Variants in DPP6 observed in about 807,000 individuals in gnomAD.
The protein encoded by DPP6 is A-type potassium channel modulatory protein DPP6.
A neutral mutation model predicts 122.6 loss-of-function variants in DPP6; 69 were observed. The ratio of observed to expected loss-of-function variants is 0.56; its 90% CI spans 0.46 to 0.69. DPP6 has a LOEUF of 0.69. DPP6 is among the 30% of genes least tolerant of loss of function. DPP6 has a pLI of 0.00. For synonymous variants in DPP6, 418 were observed against 433.1 expected (o/e 0.97, Z 0.43); for missense variants, 928 against 1,116.9 (o/e 0.83, Z 2.41).
intron 1 of DPP6, among the ~76,000 whole-genome samples, chr7:154,198,609 C>T (rs777594980): frequency 5.9e-5 from 9 of 152,124 alleles, no homozygotes; most frequent in Admixed American, 3.3e-4. Flanking sequence ...CCACTGCACC[C>T]GGCCTCACTT....
At chr7:153,891,235 G>T (rs1799187747) in intron 1 of DPP6, among the ~76,000 whole-genome samples, 1 of 148,310 alleles carries the variant, frequency 6.7e-6, no homozygotes, top group Non-Finnish European at 1.5e-5. Context: ...TGTTAGCCAG[G>T]ATGGTCTCGA....
chr7:153,845,467 A>G, the DPP6 span, among the ~76,000 whole-genome samples: 10 of 152,046 alleles, frequency 6.6e-5, no homozygotes, highest in African/African-American at 2.4e-4. Flanking sequence ...TTTTTATTCC[A>G]TATCTTCAAT....
At chr7:153,822,531 C>T in the DPP6 span, among the ~76,000 whole-genome samples, 1 of 152,152 alleles carries the variant, frequency 6.6e-6, no homozygotes, top group South Asian at 2.1e-4. Context: ...GAATATAGAG[C>T]TTCTTCCCCA....
At chr7:154,466,213 G>T (rs1821767336) in intron 2 of DPP6, among the ~76,000 whole-genome samples, 1 of 152,116 alleles carries the variant, frequency 6.6e-6, no homozygotes, top group Admixed American at 6.5e-5. Context: ...CGAGGGGTGG[G>T]GGGCAAGGGA....
At chr7:154,239,523 C>A (rs11770970) in intron 1 of DPP6, among the ~76,000 whole-genome samples, 9 of 152,134 alleles carry the variant, frequency 5.9e-5, no homozygotes, top group African/African-American at 2.2e-4. Context: ...AATAACATTT[C>A]TTTCCTCTAG....
intron 1 of DPP6, among the ~76,000 whole-genome samples, chr7:154,249,232 A>G (rs1326186448): frequency 6.6e-6 from 1 of 152,240 alleles, no homozygotes; most frequent in Non-Finnish European, 1.5e-5. Context: ...CTCTCTTTCA[A>G]CATATTAGCA....
At chr7:154,188,092 C>G (rs573405145) in intron 1 of DPP6, among the ~76,000 whole-genome samples, 104 of 152,116 alleles carry the variant, frequency 6.8e-4, no homozygotes, top group African/African-American at 2.4e-3. Flanking sequence ...CGGTGGTTCT[C>G]TTGACTCTTC....
At chr7:154,218,792 A>G (rs887559392) in intron 1 of DPP6, among the ~76,000 whole-genome samples, 4 of 152,204 alleles carry the variant, frequency 2.6e-5, no homozygotes, top group Non-Finnish European at 4.4e-5. Context: ...ATTGTAAATC[A>G]CTTTTCTATT....
intron 2 of DPP6, among the ~76,000 whole-genome samples, chr7:154,456,156 G>T (rs765142032): frequency 1.3e-5 from 2 of 152,148 alleles, no homozygotes; most frequent in Admixed American, 1.3e-4. Context: ...GAACTAAGCA[G>T]GTCGGGGAAC....
At chr7:154,305,327 G>A (rs1307617585) in intron 1 of DPP6, 1 of 1,269,940 alleles carries the variant, frequency 7.9e-7, no homozygotes, top group Non-Finnish European at 1.0e-6. Flanking sequence ...GAGCAAACTC[G>A]TCTTGTCTAC....
At chr7:154,113,890 C>T (rs1005226546) in intron 1 of DPP6, among the ~76,000 whole-genome samples, 8 of 152,156 alleles carry the variant, frequency 5.3e-5, no homozygotes, top group South Asian at 4.1e-4. Context: ...AAAAGTTAAA[C>T]GCTTTTCCTT....
intron 1 of DPP6, among the ~76,000 whole-genome samples, chr7:154,309,939 T>C (rs1408263014): frequency 6.6e-6 from 1 of 151,996 alleles, no homozygotes; most frequent in Non-Finnish European, 1.5e-5. Flanking sequence ...TAAGACTCTG[T>C]AGATAAAAAG....
chr7:154,716,330 G>A (rs1375122490), intron 7 of DPP6, among the ~76,000 whole-genome samples: 4 of 152,114 alleles, frequency 2.6e-5, no homozygotes, highest in African/African-American at 9.7e-5. Context: ...CACTCTTGCT[G>A]TGTCTTTTAC....
At chr7:154,848,226 GT>G (rs71184040) in intron 16 of DPP6, among the ~76,000 whole-genome samples, 3 of 151,484 alleles carry the variant, frequency 2.0e-5, no homozygotes, top group Non-Finnish European at 4.4e-5. Context: ...TCTATTTTTA[GT>G]TTTTTTTTGA....
chr7:154,807,240 G>C (rs2150465573), intron 16 of DPP6, 128 bp downstream of exon 16: 1 of 1,345,674 alleles, frequency 7.4e-7, no homozygotes, highest in East Asian at 2.5e-5. Context: ...AACAGGTGAG[G>C]ATCCCGCCTA....
At chr7:154,211,992 T>A (rs1799767276) in intron 1 of DPP6, among the ~76,000 whole-genome samples, 1 of 142,770 alleles carries the variant, frequency 7.0e-6, no homozygotes, top group Non-Finnish European at 1.6e-5. Context: ...CCTTCCTCCC[T>A]CATCTCAGCT....
At chr7:154,212,638 T>G (rs1799801376) in intron 1 of DPP6, among the ~76,000 whole-genome samples, 1 of 152,220 alleles carries the variant, frequency 6.6e-6, no homozygotes. Flanking sequence ...CAAGTGCTTC[T>G]TGGTCACCTA....
At chr7:154,003,053 G>A (rs1441651834) in intron 1 of DPP6, among the ~76,000 whole-genome samples, 1 of 152,152 alleles carries the variant, frequency 6.6e-6, no homozygotes, top group Non-Finnish European at 1.5e-5. Flanking sequence ...AGGATGAAGT[G>A]TGATTTCTTA....
At chr7:153,764,522 G>A in the DPP6 span, among the ~76,000 whole-genome samples, 5 of 151,928 alleles carry the variant, frequency 3.3e-5, no homozygotes, top group African/African-American at 1.2e-4. Context: ...AGCGTCACAT[G>A]GTGGTTATGG....
Sources: gnomAD v4.1 joint callset for allele counts (sites outside exome capture counted in the v4.1 genomes callset) on GRCh38, gnomAD v4.1.1 for gene constraint, MANE v1.5 for transcripts, NCBI Gene and HGNC (gene_info 2026-07-23, HGNC 2026-07-21) for gene names.